Variants in DYNC2H1 observed in about 807,000 individuals in gnomAD.
DYNC2H1 encodes dynein cytoplasmic 2 heavy chain 1, also known as cytoplasmic dynein 2 heavy chain 1.
In DYNC2H1, 410 loss-of-function variants were observed where a neutral mutation model predicts 570.0. That is an observed-to-expected ratio of 0.72 (90% confidence interval 0.66 to 0.78). The LOEUF is 0.78. DYNC2H1 is among the 30% of genes least tolerant of loss of function. The probability of loss-of-function intolerance (pLI) is 0.00; values close to 1 mark genes in which losing one functional copy is unlikely to be tolerated. For missense variants in DYNC2H1, 4,865 were observed against 5,046.4 expected, an observed-to-expected ratio of 0.96 and a Z score of 1.09; for synonymous variants, 1,688 against 1,677.6, an observed-to-expected ratio of 1.01 and a Z score of -0.15.
In DYNC2H1 at chr11:103,252,767, G is replaced by A. The variant is rs541533484; in HGVS notation, c.10043-518G>A. 6.6e-6 allele frequency among the ~76,000 whole-genome samples: 1 copy of A among 151,976 alleles called. No individual in the cohort carries two copies. Among genetic ancestry groups the A allele is most frequent in the South Asian group, 2.1e-4 (1 of 4,800 alleles). ...GATATTAACCCCTTATCTGATATAT[G>A]GTTTATAAATAACTCCAAGTTTTTA... On this transcript the variant is annotated intron_variant, in intron 65 of 88. Coordinates refer to ENST00000375735, the MANE Select transcript of DYNC2H1 (RefSeq NM_001377.3). This position sits in a 1 kb window ranked among gnomAD's most constrained non-coding sequence, Gnocchi z 4.6.
rs751097801 is a variant in DYNC2H1 at position 103,170,878 on chromosome 11, T to G, written c.5152-8T>G. On this transcript the variant is annotated splice_region_variant and splice_polypyrimidine_tract_variant and intron_variant, in intron 33 of 88. Coordinates refer to ENST00000375735, the MANE Select transcript of DYNC2H1 (RefSeq NM_001377.3). The surrounding 1 kb of genome is among the most constrained non-coding windows in gnomAD (Gnocchi z 4.8). ...TTAATGACTATAATTTTTATTGTTG[T>G]TTTTAAGGGCATCGATGTGAAGTCA... 12 of 1,470,370 alleles carry G rather than the reference T, an allele frequency of 8.2e-6. No homozygotes were observed. Among genetic ancestry groups the G allele is most frequent in the African/African-American group, 4.2e-5 (3 of 71,148 alleles). The allele number at this position is 1,470,370 out of a possible 1,614,324, so 91.1% of individuals were successfully genotyped here.
chr11:103,120,308 A>C (rs750368174), intron 6 of DYNC2H1, 139 bp from the exon 7 acceptor site: 13 of 720,028 alleles, frequency 1.8e-5, no homozygotes, highest in Non-Finnish European at 2.8e-5. Flanking sequence ...TCTGGACTAG[A>C]GTTTCAGTTT....
chr11:103,197,906 A>G (rs565017186), intron 47 of DYNC2H1, 27 bp from the exon 48 acceptor site: 2 of 1,556,090 alleles, frequency 1.3e-6, no homozygotes, highest in Admixed American at 2.0e-5. Flanking sequence ...AATGCATATA[A>G]AACAAAAATA....
intron 53 of DYNC2H1, among the ~76,000 whole-genome samples, chr11:103,210,500 G>A (rs1162388296): frequency 1.3e-5 from 2 of 151,928 alleles, no homozygotes; most frequent in African/African-American, 2.4e-5. Flanking sequence ...GTTTTATACT[G>A]TACTGGGCTG....
intron 65 of DYNC2H1, among the ~76,000 whole-genome samples, chr11:103,251,418 A>G (rs11225632): frequency 0.05 from 7,537 of 152,140 alleles, 250 homozygotes; most frequent in Non-Finnish European, 0.071. Flanking sequence ...AAAATATTTT[A>G]TTGTGCATAT....
chr11:103,161,951 A>G (rs1263502844), intron 29 of DYNC2H1, among the ~76,000 whole-genome samples: 3 of 152,212 alleles, frequency 2.0e-5, no homozygotes, highest in Non-Finnish European at 4.4e-5. Context: ...GCCTAGCAAA[A>G]TGTTTATTCC....
At chr11:103,188,115 T>A (rs1177376187) in intron 43 of DYNC2H1, among the ~76,000 whole-genome samples, 3 of 152,084 alleles carry the variant, frequency 2.0e-5, no homozygotes, top group African/African-American at 7.2e-5. Flanking sequence ...ATAGGTCCAA[T>A]TTTAGGCTTA....
At chr11:103,260,556 A>C (rs1224772385) in intron 70 of DYNC2H1, among the ~76,000 whole-genome samples, 1 of 152,156 alleles carries the variant, frequency 6.6e-6, no homozygotes, top group Non-Finnish European at 1.5e-5. Context: ...AAGAGAACAC[A>C]CATCGGACAA....
chr11:103,130,271 TA>T (rs930183741), intron 13 of DYNC2H1, among the ~76,000 whole-genome samples: 11 of 152,072 alleles, frequency 7.2e-5, no homozygotes, highest in Non-Finnish European at 1.3e-4. Flanking sequence ...ATTATTTAGG[TA>T]CAGTGAGCCA....
chr11:103,258,408 G>A (rs547315335), intron 69 of DYNC2H1, among the ~76,000 whole-genome samples: 1 of 152,248 alleles, frequency 6.6e-6, no homozygotes, highest in Non-Finnish European at 1.5e-5. Context: ...CCGAAACTTG[G>A]CCAATTAAAA....
intron 63 of DYNC2H1, among the ~76,000 whole-genome samples, chr11:103,238,792 C>T (rs1178382243): frequency 1.3e-5 from 2 of 152,062 alleles, no homozygotes; most frequent in Admixed American, 6.6e-5. Context: ...CCTTACATAC[C>T]CTTGGTCTTA....
intron 82 of DYNC2H1, among the ~76,000 whole-genome samples, chr11:103,346,930 G>T (rs1409270287): frequency 6.6e-6 from 1 of 152,164 alleles, no homozygotes; most frequent in African/African-American, 2.4e-5. Context: ...GGGGGTGTTT[G>T]CAAGAGAAGG....
chr11:103,438,810 GATCTT>G (rs1175661437), intron 85 of DYNC2H1, among the ~76,000 whole-genome samples: 3 of 152,090 alleles, frequency 2.0e-5, no homozygotes, highest in African/African-American at 2.4e-5. Context: ...CTGCCTCACA[GATCTT>G]ATCTTCATTC....
At chr11:103,397,995 C>A (rs951449546) in intron 83 of DYNC2H1, among the ~76,000 whole-genome samples, 3 of 152,246 alleles carry the variant, frequency 2.0e-5, no homozygotes, top group Admixed American at 6.5e-5. Flanking sequence ...TGTTTTTGTT[C>A]TATTAAGTGA....
Position 103,245,926 on chromosome 11 carries a change from G to A in DYNC2H1, c.10042+552G>A, listed in dbSNP as rs549233820. 7.2e-5 allele frequency among the ~76,000 whole-genome samples: 11 copies of A among 152,210 alleles called. No homozygotes were observed. The highest frequency in any genetic ancestry group is 2.1e-4 in the South Asian group (1 of 4,824). ...AGTGTATACACATACATATGTAGACGTGTACATATACGTACGTGAATGTAT... is the reference window on the plus strand; with the variant it reads ...AGTGTATACACATACATATGTAGACATGTACATATACGTACGTGAATGTAT... On this transcript the variant is annotated intron_variant, in intron 65 of 88. Coordinates refer to ENST00000375735, the MANE Select transcript of DYNC2H1 (RefSeq NM_001377.3). The surrounding 1 kb of genome is among the most constrained non-coding windows in gnomAD (Gnocchi z 4.5).
At chr11:103,297,659 A>T (rs1866889464) in intron 75 of DYNC2H1, among the ~76,000 whole-genome samples, 1 of 152,228 alleles carries the variant, frequency 6.6e-6, no homozygotes, top group Admixed American at 6.5e-5. Context: ...AATCTTATGG[A>T]ACAACCATGG....
intron 82 of DYNC2H1, among the ~76,000 whole-genome samples, chr11:103,327,628 T>C (rs1276592066): frequency 2.0e-5 from 3 of 152,004 alleles, no homozygotes; most frequent in Non-Finnish European, 4.4e-5. Flanking sequence ...GGTAATAGGG[T>C]AAGATAGAGC....
Position 103,280,315 on chromosome 11 carries a change from A to T in DYNC2H1, c.10696-33A>T, listed in dbSNP as rs1289814435. On this transcript the variant is annotated intron_variant, in intron 70 of 88. Coordinates refer to ENST00000375735, the MANE Select transcript of DYNC2H1 (RefSeq NM_001377.3). The surrounding 1 kb of genome is among the most constrained non-coding windows in gnomAD (Gnocchi z 4.7). Reference sequence around the variant, plus strand: ...TGCTTTTCCAAAGACACAAATTTTTAAAAGGCAAGATAATATCTGTTATTC... The same window carrying T: ...TGCTTTTCCAAAGACACAAATTTTTTAAAGGCAAGATAATATCTGTTATTC... 3 of 1,547,300 alleles carry T rather than the reference A, an allele frequency of 1.9e-6. No individual in the cohort carries two copies. The South Asian group carries it at 3.6e-5, about 19-fold the overall frequency.
At chr11:103,247,624 A>G (rs1864667932) in intron 65 of DYNC2H1, among the ~76,000 whole-genome samples, 1 of 152,048 alleles carries the variant, frequency 6.6e-6, no homozygotes, top group African/African-American at 2.4e-5. Flanking sequence ...CTAACAACAA[A>G]TAATTTCTCA....
Sources: gnomAD v4.1 joint callset for allele counts (sites outside exome capture counted in the v4.1 genomes callset) on GRCh38, gnomAD v4.1.1 for gene constraint, Gnocchi (gnomAD v3.1) non-coding constraint, MANE v1.5 for transcripts, NCBI Gene and HGNC (gene_info 2026-07-23, HGNC 2026-07-21) for gene names.